The following HHAT variants were observed in gnomAD, a reference collection of about 807,000 sequenced individuals.
HHAT encodes hedgehog acyltransferase, also known as protein-cysteine N-palmitoyltransferase HHAT.
Under a neutral mutation model 70.8 loss-of-function variants are expected in HHAT, and 47 were observed. That is an observed-to-expected ratio of 0.66 (90% CI 0.53 to 0.85). The LOEUF is 0.85. Among genes scored for constraint, HHAT ranks in the 40% least tolerant of loss-of-function variants. HHAT has a pLI of 0.00. For missense variants in HHAT, 609 were observed against 604.8 expected, an observed-to-expected ratio of 1.01 and a Z score of -0.07; for synonymous variants, 228 against 247.6, an observed-to-expected ratio of 0.92 and a Z score of 0.74.
intron 9 of HHAT, among the ~76,000 whole-genome samples, chr1:210,580,955 A>G (rs935811430): frequency 6.6e-6 from 1 of 152,146 alleles, no homozygotes; most frequent in African/African-American, 2.4e-5. Flanking sequence ...GTGTGAAAGC[A>G]TTCCTCTTTC....
chr1:210,437,094 G>A (rs1172945705), intron 7 of HHAT, among the ~76,000 whole-genome samples: 1 of 151,788 alleles, frequency 6.6e-6, no homozygotes, highest in Non-Finnish European at 1.5e-5. Flanking sequence ...TTTAGGTTAT[G>A]GGTAAGAGCA....
At chr1:210,457,216 C>T (rs2093888027) in intron 7 of HHAT, among the ~76,000 whole-genome samples, 1 of 152,126 alleles carries the variant, frequency 6.6e-6, no homozygotes, top group South Asian at 2.1e-4. Flanking sequence ...GTAGCACTTC[C>T]ACCTTATGTT....
At chr1:210,618,105 G>A (rs2148861769) in intron 10 of HHAT, among the ~76,000 whole-genome samples, 1 of 152,262 alleles carries the variant, frequency 6.6e-6, no homozygotes, top group Non-Finnish European at 1.5e-5. Flanking sequence ...AGGGGAAACT[G>A]GTGAAACACA....
At chr1:210,403,629 C>A (rs1452140238) in intron 5 of HHAT, among the ~76,000 whole-genome samples, 2 of 152,154 alleles carry the variant, frequency 1.3e-5, no homozygotes, top group African/African-American at 2.4e-5. Flanking sequence ...CTTTAAGAGA[C>A]CCTGATGGAT....
chr1:210,388,773 C>T (rs531535321), intron 4 of HHAT, among the ~76,000 whole-genome samples: 15 of 152,090 alleles, frequency 9.9e-5, no homozygotes, highest in African/African-American at 3.4e-4. Context: ...CCCAAGAATT[C>T]AAAACTTCTG....
intron 8 of HHAT, among the ~76,000 whole-genome samples, chr1:210,511,588 C>A (rs1045622917): frequency 6.6e-6 from 1 of 151,880 alleles, no homozygotes; most frequent in Non-Finnish European, 1.5e-5. Flanking sequence ...GGCGTCAGAC[C>A]CCCCCTCGAG....
intron 10 of HHAT, among the ~76,000 whole-genome samples, chr1:210,614,600 C>A (rs1004103739): frequency 5.9e-5 from 9 of 152,072 alleles, no homozygotes; most frequent in African/African-American, 2.2e-4. Flanking sequence ...TGTGATGTTC[C>A]CTTTCCTGTG....
At chr1:210,514,477 G>A (rs577433768) in intron 9 of HHAT, among the ~76,000 whole-genome samples, 2 of 152,260 alleles carry the variant, frequency 1.3e-5, no homozygotes, top group Non-Finnish European at 2.9e-5. Flanking sequence ...GGAGTAGTTC[G>A]AGTTTTTTAT....
chr1:210,357,051 C>G (rs534493122), intron 2 of HHAT, among the ~76,000 whole-genome samples: 15 of 152,240 alleles, frequency 9.9e-5, no homozygotes, highest in Non-Finnish European at 2.2e-4. Flanking sequence ...TCCAAACATT[C>G]TGTTTGGTGA....
chr1:210,625,304 T>C (rs1024447131), intron 11 of HHAT, among the ~76,000 whole-genome samples: 8 of 152,166 alleles, frequency 5.3e-5, no homozygotes, highest in African/African-American at 1.9e-4. Context: ...CCTAGCACAA[T>C]GATAAGAACA....
At chr1:210,411,256 C>T (rs1391148697) in intron 6 of HHAT, among the ~76,000 whole-genome samples, 1 of 152,132 alleles carries the variant, frequency 6.6e-6, no homozygotes, top group Non-Finnish European at 1.5e-5. Context: ...GGGCTCCATA[C>T]CAAATGCTGC....
chr1:210,666,747 G>A (rs1452573903), intron 11 of HHAT, among the ~76,000 whole-genome samples: 1 of 152,046 alleles, frequency 6.6e-6, no homozygotes, highest in Non-Finnish European at 1.5e-5. Flanking sequence ...GCCTCCCAAA[G>A]TGCTGGGATT....
intron 9 of HHAT, among the ~76,000 whole-genome samples, chr1:210,586,491 C>G (rs781075448): frequency 2.3e-4 from 35 of 152,262 alleles, no homozygotes; most frequent in Non-Finnish European, 4.3e-4. Flanking sequence ...AATTTCCTCT[C>G]TAAAAACAAT....
At chr1:210,473,109 A>G (rs1483743997) in intron 8 of HHAT, among the ~76,000 whole-genome samples, 1 of 152,216 alleles carries the variant, frequency 6.6e-6, no homozygotes, top group East Asian at 1.9e-4. Flanking sequence ...ACAGAATGTA[A>G]ATTTCCCCTG....
chr1:210,634,051 A>G (rs1226268703), intron 11 of HHAT, among the ~76,000 whole-genome samples: 3 of 152,232 alleles, frequency 2.0e-5, no homozygotes, highest in African/African-American at 7.2e-5. Context: ...TTCACCTGAT[A>G]TCAGTAAAAT....
chr1:210,504,158 A>G (rs2094810526), intron 8 of HHAT, among the ~76,000 whole-genome samples: 1 of 152,254 alleles, frequency 6.6e-6, no homozygotes, highest in Non-Finnish European at 1.5e-5. Context: ...TTACAAGGGT[A>G]GGAACTTTTC....
chr1:210,345,149 G>A (rs1168623977), intron 1 of HHAT, among the ~76,000 whole-genome samples: 2 of 152,230 alleles, frequency 1.3e-5, no homozygotes, highest in South Asian at 2.1e-4. Flanking sequence ...GTTTGGTAAC[G>A]AGTGTGGGGG....
intron 6 of HHAT, among the ~76,000 whole-genome samples, chr1:210,417,123 T>A (rs142941206): frequency 2.6e-5 from 4 of 152,182 alleles, no homozygotes; most frequent in Non-Finnish European, 5.9e-5. Context: ...CTACACACAT[T>A]GCTGAAAGAA....
At chr1:210,350,068 G>A (rs1039441201) in intron 2 of HHAT, among the ~76,000 whole-genome samples, 5 of 152,152 alleles carry the variant, frequency 3.3e-5, no homozygotes, top group Admixed American at 6.5e-5. Context: ...CTTGATTACC[G>A]TAGCTTTACA....
Sources: allele counts gnomAD v4.1 joint callset (sites outside exome capture counted in the v4.1 genomes callset), GRCh38; gene constraint gnomAD v4.1.1; transcripts MANE v1.5; gene names NCBI Gene and HGNC (gene_info 2026-07-23, HGNC 2026-07-21).